RBMS1: variants seen among roughly 807,000 people sequenced by gnomAD.
RBMS1 encodes the protein RNA binding motif single stranded interacting protein 1.
In RBMS1, 17 loss-of-function variants were observed where a neutral mutation model predicts 62.3. That is an observed-to-expected ratio of 0.27 (90% CI 0.19 to 0.41). The LOEUF is 0.41. RBMS1 is among the 10% of genes least tolerant of loss of function. The pLI, the probability that RBMS1 is intolerant of heterozygous loss-of-function variation, is 1.00. For missense variants in RBMS1, 334 were observed against 504.5 expected, an observed-to-expected ratio of 0.66 and a Z score of 3.24; for synonymous variants, 172 against 170.0, an observed-to-expected ratio of 1.01 and a Z score of -0.09.
intron 1 of RBMS1, among the ~76,000 whole-genome samples, chr2:160,415,671 A>T (rs1696183324): frequency 6.6e-6 from 1 of 152,166 alleles, no homozygotes; most frequent in East Asian, 1.9e-4. Context: ...TTTAATAAGA[A>T]TTTCCTAATT....
chr2:160,323,608 G>GAA (rs1491379305), intron 2 of RBMS1, among the ~76,000 whole-genome samples: 3,725 of 84,590 alleles, frequency 0.044, 287 homozygotes, highest in East Asian at 0.37. Context: ...AGAATTTCAT[G>GAA]AAAGAAAAAA....
At chr2:160,447,467 C>A (rs1230365006) in intron 1 of RBMS1, among the ~76,000 whole-genome samples, 1 of 152,164 alleles carries the variant, frequency 6.6e-6, no homozygotes, top group Non-Finnish European at 1.5e-5. Flanking sequence ...ACTGATATTA[C>A]TAGAACTGGT....
intron 1 of RBMS1, among the ~76,000 whole-genome samples, chr2:160,451,170 T>A (rs868123875): frequency 0.041 from 5,243 of 127,282 alleles, 133 homozygotes; most frequent in African/African-American, 0.061. Flanking sequence ...AAAAAAAAAA[T>A]AAATAAATAA....
intron 12 of RBMS1, 114 bp downstream of exon 12, chr2:160,277,189 C>T (rs768922816): frequency 2.3e-5 from 23 of 979,770 alleles, no homozygotes; most frequent in African/African-American, 6.4e-5. Context: ...TCTGGCTAAA[C>T]GCAATTCTTT....
At chr2:160,384,848 AT>A (rs1193087896) in intron 1 of RBMS1, among the ~76,000 whole-genome samples, 1 of 152,178 alleles carries the variant, frequency 6.6e-6, no homozygotes, top group African/African-American at 2.4e-5. Context: ...CTGAAATGTG[AT>A]CCCCACTGTT....
rs112824880 is a variant in RBMS1 at position 160,425,780 on chromosome 2, C to T, written c.76-58389G>A. On this transcript the variant is annotated intron_variant, in intron 1 of 13. Transcript: ENST00000348849. ...CTGTCATCCAACTGGTCTCCATAGA[C>T]CCACCTAGGAGGCTGCTTTCTCAGG... 7.8e-3 allele frequency among the ~76,000 whole-genome samples: 1,192 copies of T among 152,260 alleles called. 8 individuals are homozygous for T. The highest frequency in any genetic ancestry group is 0.014 in the Admixed American group (214 of 15,284).
At chr2:160,491,490 CTCTT>C (rs1345141882) in intron 1 of RBMS1, among the ~76,000 whole-genome samples, 7 of 152,208 alleles carry the variant, frequency 4.6e-5, no homozygotes, top group African/African-American at 1.7e-4. Flanking sequence ...GTTTGTCTCT[CTCTT>C]CAATTATTTA....
At chr2:160,284,706 C>T (rs1048864078) in intron 9 of RBMS1, 69 bp downstream of exon 9, 3 of 1,214,724 alleles carry the variant, frequency 2.5e-6, no homozygotes, top group Non-Finnish European at 3.7e-6. Flanking sequence ...TTTTAAGACA[C>T]ATAAAAATGT....
intron 1 of RBMS1, among the ~76,000 whole-genome samples, chr2:160,394,207 A>C (rs1342935547): frequency 6.6e-6 from 1 of 152,172 alleles, no homozygotes; most frequent in Non-Finnish European, 1.5e-5. Flanking sequence ...TATTATAACA[A>C]AGGATGATCA....
intron 1 of RBMS1, among the ~76,000 whole-genome samples, chr2:160,462,716 C>T (rs1442048652): frequency 5.9e-5 from 9 of 152,284 alleles, no homozygotes; most frequent in African/African-American, 2.2e-4. Flanking sequence ...TCAAGCGATT[C>T]TCCTGCCTCA....
At chr2:160,434,953 A>G (rs1302107876) in intron 1 of RBMS1, among the ~76,000 whole-genome samples, 2 of 152,206 alleles carry the variant, frequency 1.3e-5, no homozygotes, top group Non-Finnish European at 1.5e-5. Context: ...AGGGCAGAAA[A>G]GACAAGCCCG....
chr2:160,280,906 A>G (rs114503784), intron 10 of RBMS1, among the ~76,000 whole-genome samples: 2,899 of 152,294 alleles, frequency 0.019, 45 homozygotes, highest in Non-Finnish European at 0.027. Context: ...TAGTATTTAT[A>G]ATCTCCATAG....
chr2:160,392,907 AAGAG>A (rs577224971), intron 1 of RBMS1, among the ~76,000 whole-genome samples: 102 of 152,214 alleles, frequency 6.7e-4, no homozygotes, highest in African/African-American at 2.2e-3. Flanking sequence ...AAGAAAAAAA[AAGAG>A]AGAGAGAAAG....
At chr2:160,326,498 T>C (rs1690936520) in intron 2 of RBMS1, among the ~76,000 whole-genome samples, 1 of 152,100 alleles carries the variant, frequency 6.6e-6, no homozygotes, top group African/African-American at 2.4e-5. Flanking sequence ...TGCAAACCTA[T>C]GTAGTGAGTT....
intron 2 of RBMS1, among the ~76,000 whole-genome samples, chr2:160,349,498 CCAG>C (rs1369407309): frequency 2.6e-5 from 4 of 151,420 alleles, no homozygotes; most frequent in Admixed American, 2.6e-4. Flanking sequence ...ACAGCCTTTC[CCAG>C]CACTGAGTAA....
At chr2:160,351,766 T>A (rs1295355022) in intron 2 of RBMS1, among the ~76,000 whole-genome samples, 2 of 151,990 alleles carry the variant, frequency 1.3e-5, no homozygotes, top group African/African-American at 4.8e-5. Flanking sequence ...ATCCAAAATA[T>A]CAGCATTCCC....
intron 1 of RBMS1, among the ~76,000 whole-genome samples, chr2:160,454,648 G>A (rs1684141834): frequency 6.6e-6 from 1 of 152,178 alleles, no homozygotes; most frequent in Non-Finnish European, 1.5e-5. Flanking sequence ...CAGCATGCCT[G>A]GAACCCAGTG....
Position 160,397,688 on chromosome 2 carries a change from C to T in RBMS1, c.76-30297G>A, listed in dbSNP as rs142484042. Among the ~76,000 whole-genome samples the T allele has an allele frequency of 2.5e-3, 381 of 152,194 alleles. 5 individuals are homozygous for T. Among genetic ancestry groups the T allele is most frequent in the African/African-American group, 8.7e-3 (360 of 41,518 alleles). Reference sequence around the variant, plus strand: ...CCCTGCCTCCACCCTCCTTTCCCGCCCCACTACACACACAGGACTCCACTG... The same window carrying T: ...CCCTGCCTCCACCCTCCTTTCCCGCTCCACTACACACACAGGACTCCACTG... On this transcript the variant is annotated intron_variant, in intron 1 of 13. Coordinates refer to ENST00000348849, the MANE Select transcript of RBMS1 (RefSeq NM_016836.4).
intron 7 of RBMS1, 106 bp downstream of exon 7, chr2:160,286,863 C>G (rs1457538390): frequency 7.2e-5 from 112 of 1,558,044 alleles, no homozygotes; most frequent in Non-Finnish European, 9.5e-5. Flanking sequence ...GCACCTATTT[C>G]AGAAGTGTGC....
Sources: allele counts gnomAD v4.1 joint callset (sites outside exome capture counted in the v4.1 genomes callset), GRCh38; gene constraint gnomAD v4.1.1; transcripts MANE v1.5; gene names NCBI Gene and HGNC (gene_info 2026-07-23, HGNC 2026-07-21).